Variants in HGS observed in about 807,000 individuals in gnomAD.
The protein encoded by HGS is human growth factor-regulated tyrosine kinase substrate.
Under a neutral mutation model 109.7 loss-of-function variants are expected in HGS, and 63 were observed. That is an observed-to-expected ratio of 0.57 (90% CI 0.47 to 0.71). The LOEUF (loss-of-function observed/expected upper bound fraction) is 0.71, where lower values mean the gene tolerates loss of function less well. Ranked by LOEUF, HGS falls within the 30% of genes least tolerant of loss-of-function variation. The pLI, the probability that HGS is intolerant of heterozygous loss-of-function variation, is 0.00. For synonymous variants in HGS, 546 were observed against 437.3 expected (o/e 1.25, Z -3.10); for missense variants, 995 against 1,068.3 (o/e 0.93, Z 0.96).
chr17:81,700,417 TCCTC>T, intron 18 of HGS, 46 bp from the exon 19 acceptor site: 2 of 1,443,654 alleles, frequency 1.4e-6, no homozygotes, highest in Non-Finnish European at 1.9e-6. Context: ...TCCCTTCCTC[TCCTC>T]CCTGTTGCCC....
In HGS at chr17:81,694,045, A is replaced by T. The variant is rs573189816; in HGVS notation, c.936+80A>T. 5 of 1,289,380 alleles carry T rather than the reference A, an allele frequency of 3.9e-6. No homozygotes were observed. The East Asian group carries it at 1.2e-4, about 32-fold the overall frequency. The allele number at this position is 1,289,380 out of a possible 1,614,324, so 79.9% of individuals were successfully genotyped here. The stretch of plus-strand genomic sequence containing the variant: ...GGGACGCGGGTCCCTGAGCTGATTT[A>T]GTCAGGTTGGTGGGGGATGCGGGTC... On this transcript the variant is annotated intron_variant, in intron 11 of 21. Transcript: ENST00000329138.
rs200749825 is a variant in HGS, at chr17:81,696,904, C to T, written c.1788C>T (p.Ala596=). 114 of 1,609,276 alleles carry T rather than the reference C, an allele frequency of 7.1e-5. 1 individual carries two copies. The highest frequency in any genetic ancestry group is 3.8e-4 in the Admixed American group (23 of 60,006). The part of the protein sequence containing the change: ...PASFPSTFSP[A]GSVEGSPMHG... ...GCTTCCCCAGCACCTTCAGCCCTGC[C>T]GGCTCGGTGGAGGGCTCCCCAATGC... Residue 596 remains alanine, a synonymous_variant, in exon 18 of 22, where the codon GCC becomes GCT. Transcript: ENST00000329138.
chr17:81,689,413 T>C (rs2037030977), intron 5 of HGS, among the ~76,000 whole-genome samples: 1 of 152,188 alleles, frequency 6.6e-6, no homozygotes, highest in South Asian at 2.1e-4. Context: ...TAAGGGTCCC[T>C]CTCGGCCATT....
intron 11 of HGS, among the ~76,000 whole-genome samples, chr17:81,694,462 C>T (rs535914016): frequency 2.6e-5 from 4 of 152,338 alleles, no homozygotes; most frequent in Admixed American, 2.6e-4. Flanking sequence ...TGAGCCACCC[C>T]TTCCCTTCTT....
chr17:81,684,941 A>G (rs533911590), intron 1 of HGS: 11 of 985,438 alleles, frequency 1.1e-5, no homozygotes, highest in South Asian at 4.7e-5. Flanking sequence ...CTGAATCAGT[A>G]TAGAAAGTGG....
In HGS at chr17:81,693,594, C is replaced by A; in HGVS notation, c.741+13C>A. 6.3e-7 allele frequency: 1 copy of A among 1,579,916 alleles called. No homozygotes were observed. The highest frequency in any genetic ancestry group is 8.6e-7 in the Non-Finnish European group (1 of 1,156,118). ...TCAGCAGTCCCAGGTACTCAGCCCC[C>A]TCCGTCCCGTGGGCACCTCTTCCCC... On this transcript the variant is annotated intron_variant, in intron 9 of 21. Transcript: ENST00000329138.
At chr17:81,688,625 C>T in intron 4 of HGS, 79 bp from the exon 5 acceptor site, 3 of 1,564,304 alleles carry the variant, frequency 1.9e-6, no homozygotes, top group African/African-American at 1.4e-5. Flanking sequence ...AGGCTGAGGT[C>T]TGCCAGCTGC....
chr17:81,691,342 C>A lies in HGS; in HGVS notation c.538-105C>A. ...GTTCTGCTTGTCCCTTGCCTTCCCCCACCTGTGAGGCCCAGCTTCGGCATC... is the reference window on the plus strand; with the variant it reads ...GTTCTGCTTGTCCCTTGCCTTCCCCAACCTGTGAGGCCCAGCTTCGGCATC... On this transcript the variant is annotated intron_variant, in intron 7 of 21. Coordinates refer to ENST00000329138, the MANE Select transcript of HGS (RefSeq NM_004712.5). The surrounding 1 kb of genome is among the most constrained non-coding windows in gnomAD (Gnocchi z 5.3). 1.4e-6 allele frequency: 2 copies of A among 1,427,562 alleles called. No individual in the cohort carries two copies. Among genetic ancestry groups the A allele is most frequent in the Non-Finnish European group, 1.9e-6 (2 of 1,033,854 alleles). 88.4% of individuals were successfully genotyped at this position (1,427,562 alleles called of 1,614,324 possible). A position where few individuals can be genotyped will look rare whatever the true frequency, so the allele number is the denominator to read the frequency against.
At position 81,701,626 on chromosome 17, in the gene HGS, C is replaced by T; in HGVS notation, c.*8C>T. Reference sequence around the variant, plus strand: ...CTCATTTCATTCGACTGACCCAGGCCATGCTCACGTCCGGAGTAACACTAC... The same window carrying T: ...CTCATTTCATTCGACTGACCCAGGCTATGCTCACGTCCGGAGTAACACTAC... On this transcript the variant is annotated 3_prime_UTR_variant, in exon 22 of 22. Coordinates refer to ENST00000329138, the MANE Select transcript of HGS (RefSeq NM_004712.5). 6.4e-7 allele frequency: 1 copy of T among 1,553,298 alleles called. No individual in the cohort carries two copies. Among genetic ancestry groups the T allele is most frequent in the Non-Finnish European group, 8.7e-7 (1 of 1,155,600 alleles).
Position 81,697,349 on chromosome 17 carries a change from G to GCCCCCCC in HGS, c.1882+359_1882+365dup, listed in dbSNP as rs59387473. 5.7e-4 allele frequency: 35 copies of GCCCCCCC among 61,802 alleles called. 1 individual carries two copies. Among genetic ancestry groups the GCCCCCCC allele is most frequent in the African/African-American group, 1.8e-3 (23 of 13,122 alleles). The allele number at this position is 61,802 out of a possible 1,614,324, so 3.8% of individuals were successfully genotyped here. A position where few individuals can be genotyped will look rare whatever the true frequency, so the allele number is the denominator to read the frequency against. On this transcript the variant is annotated intron_variant, in intron 18 of 21. Coordinates refer to ENST00000329138, the MANE Select transcript of HGS (RefSeq NM_004712.5). ...GCACGCCCCCTGCTGCGTGGCATTT[G>GCCCCCCC]CCCCCCCCCCCCCCGCCTTTAATCT...
At chr17:81,695,594 A>G in intron 14 of HGS, 192 bp from the exon 15 acceptor site, 1 of 622,066 alleles carries the variant, frequency 1.6e-6, no homozygotes, top group Non-Finnish European at 2.8e-6. Flanking sequence ...CGTCCTGACC[A>G]GGGCTTGCAG....
chr17:81,695,065 G>A lies in HGS; in HGVS notation c.1117G>A (p.Glu373Lys), dbSNP rs1256810127. The change falls in exon 13 of 22, where the codon GAG becomes AAG. Residue 373 changes from glutamate (E) to lysine (K), a missense_variant and splice_region_variant. Transcript: ENST00000329138. Reference sequence around the variant, plus strand: ...GCACGCAGCCCCCACCAACGTGGTGGAGGTGAGGGGGCCACTCCCGGCATT... The same window carrying A: ...GCACGCAGCCCCCACCAACGTGGTGAAGGTGAGGGGGCCACTCCCGGCATT... Reference protein sequence around the residue: ...EGHAAPTNVVENPLPETDSQP... With the variant: ...EGHAAPTNVVKNPLPETDSQP... The A allele has an allele frequency of 4.3e-6, 7 of 1,612,964 alleles. No homozygotes were observed. The highest frequency in any genetic ancestry group is 5.1e-6 in the Non-Finnish European group (6 of 1,179,162).
intron 8 of HGS, 116 bp from the exon 9 acceptor site, chr17:81,693,387 A>G: frequency 1.3e-6 from 1 of 761,262 alleles, no homozygotes; most frequent in Admixed American, 2.0e-5. Context: ...CTGTGGAACC[A>G]CTGTCCTCAC....
intron 4 of HGS, 40 bp from the exon 5 acceptor site, chr17:81,688,664 G>C: frequency 6.2e-7 from 1 of 1,610,278 alleles, no homozygotes; most frequent in Non-Finnish European, 8.5e-7. Flanking sequence ...CTGGCGCCTG[G>C]AGTGTCCTGC....
Position 81,691,682 on chromosome 17 carries a change from C to T in HGS, c.662+111C>T. The stretch of plus-strand genomic sequence containing the variant: ...GCCTGCAGACCCCAGAGGACCCTCA[C>T]AGCACAGCAGCTGGAAGGTCAAGGG... On this transcript the variant is annotated intron_variant, in intron 8 of 21. Coordinates refer to ENST00000329138, the MANE Select transcript of HGS (RefSeq NM_004712.5). This position sits in a 1 kb window ranked among gnomAD's most constrained non-coding sequence, Gnocchi z 5.3. 3 of 1,381,282 alleles carry T rather than the reference C, an allele frequency of 2.2e-6. No homozygotes were observed. The highest frequency in any genetic ancestry group is 2.5e-5 in the South Asian group (2 of 81,120). The allele number at this position is 1,381,282 out of a possible 1,614,324, so 85.6% of individuals were successfully genotyped here. A position where few individuals can be genotyped will look rare whatever the true frequency, so the allele number is the denominator to read the frequency against.
At chr17:81,701,156 G>T (rs1480067270) in intron 21 of HGS, 25 bp downstream of exon 21, 1 of 1,596,518 alleles carries the variant, frequency 6.3e-7, no homozygotes, top group African/African-American at 1.3e-5. Context: ...GGGCCTCACA[G>T]CGGCACCCGC....
intron 21 of HGS, 63 bp from the exon 22 acceptor site, chr17:81,701,445 A>G: frequency 6.7e-7 from 1 of 1,487,276 alleles, no homozygotes; most frequent in South Asian, 1.2e-5. Context: ...GCTGGGACAA[A>G]AGCCTTCCTC....
At chr17:81,684,227 C>A (rs2036932165) in intron 1 of HGS, 124 bp downstream of exon 1, 2 of 901,158 alleles carry the variant, frequency 2.2e-6, no homozygotes, top group African/African-American at 1.8e-5. Flanking sequence ...TCTCCCCGGC[C>A]CGCTGTCCTC....
chr17:81,687,607 A>G (rs559830830), intron 4 of HGS, among the ~76,000 whole-genome samples: 1 of 152,306 alleles, frequency 6.6e-6, no homozygotes, highest in East Asian at 1.9e-4. Flanking sequence ...TCCTGGGCAG[A>G]GGAGGAAAAG....
Sources: gnomAD v4.1 joint callset for allele counts (sites outside exome capture counted in the v4.1 genomes callset) on GRCh38, gnomAD v4.1.1 for gene constraint, Gnocchi (gnomAD v3.1) non-coding constraint, MANE v1.5 for transcripts, NCBI Gene and HGNC (gene_info 2026-07-23, HGNC 2026-07-21) for gene names.